Variants in SLC8A1 observed in about 807,000 individuals in gnomAD.
SLC8A1 encodes solute carrier family 8 member A1, also known as sodium/calcium exchanger 1.
SLC8A1 carries 18 observed loss-of-function variants against 68.3 expected under a neutral mutation model. The ratio of observed to expected loss-of-function variants is 0.26; its 90% CI spans 0.18 to 0.39. The LOEUF (loss-of-function observed/expected upper bound fraction) is 0.39, where lower values mean the gene tolerates loss of function less well. SLC8A1 is among the 10% of genes least tolerant of loss of function. The probability of loss-of-function intolerance (pLI) is 1.00; values close to 1 mark genes in which losing one functional copy is unlikely to be tolerated. For missense variants in SLC8A1, 985 were observed against 1,156.7 expected, an observed-to-expected ratio of 0.85 and a Z score of 2.15; for synonymous variants, 475 against 415.5, an observed-to-expected ratio of 1.14 and a Z score of -1.74.
At chr2:40,315,876 A>G (rs576663575) in intron 2 of SLC8A1, among the ~76,000 whole-genome samples, 1 of 152,044 alleles carries the variant, frequency 6.6e-6, no homozygotes, top group Non-Finnish European at 1.5e-5. Context: ...GCTTCTTGCA[A>G]TGAGAACATT....
chr2:40,356,128 G>A (rs1470531882), intron 2 of SLC8A1, among the ~76,000 whole-genome samples: 2 of 152,120 alleles, frequency 1.3e-5, no homozygotes, highest in Non-Finnish European at 2.9e-5. Context: ...CTCTCAGTCT[G>A]GATTATGTGT....
intron 1 of SLC8A1, among the ~76,000 whole-genome samples, chr2:40,474,674 T>C: frequency 6.6e-6 from 1 of 152,214 alleles, no homozygotes; most frequent in South Asian, 2.1e-4. Flanking sequence ...TTACTTAATC[T>C]TACAAGCCCT....
intron 2 of SLC8A1, among the ~76,000 whole-genome samples, chr2:40,191,159 C>T (rs1320074813): frequency 1.3e-5 from 2 of 152,118 alleles, no homozygotes; most frequent in African/African-American, 4.8e-5. Context: ...GTAAAAGTCA[C>T]TACCGACAAA....
intron 2 of SLC8A1, among the ~76,000 whole-genome samples, chr2:40,415,726 C>A (rs1208193080): frequency 6.6e-6 from 1 of 151,970 alleles, no homozygotes; most frequent in Non-Finnish European, 1.5e-5. Flanking sequence ...GCCTGTTATC[C>A]CAGCACTTTG....
intron 2 of SLC8A1, among the ~76,000 whole-genome samples, chr2:40,315,031 A>G (rs1301129121): frequency 1.3e-5 from 2 of 151,980 alleles, no homozygotes; most frequent in African/African-American, 2.4e-5. Flanking sequence ...ACGTTGAATA[A>G]AAGTGGTGAG....
intron 2 of SLC8A1, among the ~76,000 whole-genome samples, chr2:40,364,146 C>T (rs373227754): frequency 2.0e-3 from 309 of 152,040 alleles, no homozygotes; most frequent in African/African-American, 7.1e-3. Context: ...GTATAGCACA[C>T]TTTTCAGATA....
At chr2:40,144,234 G>A (rs186164105) in intron 6 of SLC8A1, among the ~76,000 whole-genome samples, 1 of 152,258 alleles carries the variant, frequency 6.6e-6, no homozygotes, top group East Asian at 1.9e-4. Flanking sequence ...AACAGGAAGG[G>A]AACCTGGTGG....
chr2:40,292,431 G>T (rs949625451), intron 2 of SLC8A1, among the ~76,000 whole-genome samples: 5 of 152,116 alleles, frequency 3.3e-5, no homozygotes, highest in African/African-American at 1.2e-4. Context: ...TGTCTCCAGT[G>T]TCTAAGCTAG....
intron 2 of SLC8A1, among the ~76,000 whole-genome samples, chr2:40,357,230 A>G (rs1027921614): frequency 3.3e-5 from 5 of 152,128 alleles, no homozygotes; most frequent in African/African-American, 4.8e-5. Context: ...GCTGGCTCGT[A>G]CCTCTAATCT....
At chr2:40,197,499 C>G (rs753709553) in intron 2 of SLC8A1, among the ~76,000 whole-genome samples, 2 of 151,896 alleles carry the variant, frequency 1.3e-5, no homozygotes, top group African/African-American at 4.8e-5. Flanking sequence ...AATAAAACAG[C>G]CTAGGAAATT....
At chr2:40,324,041 G>A (rs569352498) in intron 2 of SLC8A1, among the ~76,000 whole-genome samples, 9 of 151,618 alleles carry the variant, frequency 5.9e-5, no homozygotes, top group Non-Finnish European at 1.3e-4. Flanking sequence ...GGGGGGGGCT[G>A]TTAACAATTA....
chr2:40,205,459 A>G (rs1027559536), intron 2 of SLC8A1, among the ~76,000 whole-genome samples: 5 of 151,944 alleles, frequency 3.3e-5, no homozygotes, highest in Non-Finnish European at 5.9e-5. Context: ...GTGTATATGT[A>G]CCACATTTTC....
At chr2:40,491,901 T>A (rs1400313904) in intron 1 of SLC8A1, among the ~76,000 whole-genome samples, 1 of 152,156 alleles carries the variant, frequency 6.6e-6, no homozygotes, top group Non-Finnish European at 1.5e-5. Context: ...ATCAATATCA[T>A]GAAAATGGCC....
intron 2 of SLC8A1, among the ~76,000 whole-genome samples, chr2:40,304,681 C>T (rs1262003864): frequency 6.6e-6 from 1 of 152,124 alleles, no homozygotes; most frequent in African/African-American, 2.4e-5. Context: ...CCAGCCACTG[C>T]CTCATGTGCT....
chr2:40,200,328 G>C (rs1464844866), intron 2 of SLC8A1, among the ~76,000 whole-genome samples: 9 of 130,976 alleles, frequency 6.9e-5, no homozygotes, highest in African/African-American at 2.6e-4. Context: ...CTTCAGGTAG[G>C]TTGAGAGCTA....
At chr2:40,289,228 T>A (rs868252259) in intron 2 of SLC8A1, among the ~76,000 whole-genome samples, 96 of 152,128 alleles carry the variant, frequency 6.3e-4, no homozygotes, top group African/African-American at 1.5e-3. Context: ...CTGTTTTTTT[T>A]AAAAAATAAG....
intron 1 of SLC8A1, among the ~76,000 whole-genome samples, chr2:40,466,365 G>A (rs1445092688): frequency 1.3e-5 from 2 of 152,196 alleles, no homozygotes; most frequent in Admixed American, 6.5e-5. Flanking sequence ...CCGTCAGGAA[G>A]CTGGGGCAGC....
At chr2:40,402,812 CAACTT>C (rs1174288126) in intron 2 of SLC8A1, among the ~76,000 whole-genome samples, 10 of 152,306 alleles carry the variant, frequency 6.6e-5, no homozygotes, top group African/African-American at 2.2e-4. Flanking sequence ...TTCAACTACT[CAACTT>C]GACTAGACCA....
chr2:40,321,841 C>A (rs1356600259), intron 2 of SLC8A1, among the ~76,000 whole-genome samples: 1 of 152,234 alleles, frequency 6.6e-6, no homozygotes, highest in East Asian at 1.9e-4. Flanking sequence ...CAAGCCGTAT[C>A]ACCATCCATG....
Sources: allele counts gnomAD v4.1 joint callset (sites outside exome capture counted in the v4.1 genomes callset), GRCh38; gene constraint gnomAD v4.1.1; transcripts MANE v1.5; gene names NCBI Gene and HGNC (gene_info 2026-07-23, HGNC 2026-07-21).